OVOL2: variants seen among roughly 807,000 people sequenced by gnomAD.
OVOL2 encodes ovo like zinc finger 2, also known as transcription factor Ovo-like 2.
OVOL2 carries 13 observed loss-of-function variants against 18.1 expected under a neutral mutation model. The ratio of observed to expected loss-of-function variants is 0.72; its 90% CI spans 0.47 to 1.14. The LOEUF (loss-of-function observed/expected upper bound fraction) is 1.14, where lower values mean the gene tolerates loss of function less well. Among genes scored for constraint, OVOL2 ranks in the 50% most tolerant of loss-of-function variants. The probability of loss-of-function intolerance (pLI) is 0.00; values close to 1 mark genes in which losing one functional copy is unlikely to be tolerated. For missense variants in OVOL2, 335 were observed against 383.0 expected (o/e 0.87, Z 1.05); for synonymous variants, 166 against 162.7 (o/e 1.02, Z -0.16).
At chr20:18,029,803 T>G (rs7275118) in intron 3 of OVOL2, among the ~76,000 whole-genome samples, 49,836 of 151,606 alleles carry the variant, frequency 0.33, 8,723 homozygotes, top group South Asian at 0.43. Flanking sequence ...CATGGGGAGA[T>G]CCCTGTCTTT....
At chr20:18,026,815 C>T (rs2122686071) in intron 3 of OVOL2, among the ~76,000 whole-genome samples, 1 of 152,158 alleles carries the variant, frequency 6.6e-6, no homozygotes, top group East Asian at 1.9e-4. Context: ...AGGGCAGAGA[C>T]CTCAGAGCAC....
intron 3 of OVOL2, among the ~76,000 whole-genome samples, chr20:18,025,731 A>G (rs2036507842): frequency 6.6e-6 from 1 of 152,214 alleles, no homozygotes. Context: ...AGCCAGTTAC[A>G]CGGTGGACAA....
intron 2 of OVOL2, among the ~76,000 whole-genome samples, chr20:18,052,612 G>T (rs2036780456): frequency 6.6e-6 from 1 of 152,142 alleles, no homozygotes; most frequent in Admixed American, 6.5e-5. Context: ...ATGGGGGTAT[G>T]GGGACTACTC....
At chr20:18,054,807 G>GAAAAGAAAAA (rs2036804349) in intron 2 of OVOL2, among the ~76,000 whole-genome samples, 1 of 143,632 alleles carries the variant, frequency 7.0e-6, no homozygotes, top group Admixed American at 6.8e-5. Flanking sequence ...GAAAAGAAAA[G>GAAAAGAAAAA]AAACTAATTC....
At chr20:18,031,912 G>A (rs1394431684) in intron 3 of OVOL2, among the ~76,000 whole-genome samples, 1 of 152,164 alleles carries the variant, frequency 6.6e-6, no homozygotes, top group Non-Finnish European at 1.5e-5. Flanking sequence ...CTACACTTTG[G>A]AACTTTCTAG....
chr20:18,045,442 C>G (rs962873603), intron 2 of OVOL2, among the ~76,000 whole-genome samples: 3 of 152,138 alleles, frequency 2.0e-5, no homozygotes, highest in Admixed American at 2.0e-4. Context: ...TTGACAAATT[C>G]CTATTTTTAA....
At chr20:18,052,233 T>C (rs898210605) in intron 2 of OVOL2, among the ~76,000 whole-genome samples, 22 of 152,100 alleles carry the variant, frequency 1.4e-4, no homozygotes, top group African/African-American at 4.8e-4. Context: ...AACAATTAAC[T>C]TGATGGAGGG....
intron 2 of OVOL2, among the ~76,000 whole-genome samples, chr20:18,051,206 T>C (rs1294022487): frequency 6.6e-6 from 1 of 151,952 alleles, no homozygotes; most frequent in African/African-American, 2.4e-5. Context: ...TGAGGCCCTG[T>C]CTCAAAAGGA....
intron 2 of OVOL2, among the ~76,000 whole-genome samples, chr20:18,045,696 C>A (rs993458351): frequency 3.9e-5 from 6 of 152,104 alleles, no homozygotes; most frequent in Admixed American, 2.6e-4. Flanking sequence ...CCAGACTGAT[C>A]TTCAACTCTT....
rs190548586 is a variant in OVOL2 at position 18,042,365 on chromosome 20, G to A, written c.322-642C>T. Among the ~76,000 whole-genome samples the A allele has an allele frequency of 5.0e-4, 76 of 152,324 alleles. 1 individual carries two copies. In the East Asian group the frequency reaches 0.011, roughly 22 times the overall value. ...TTGTTGAAATGTGATCCCCAGTGTT[G>A]GAGGTGGGGCCTCGTGGGAGGTTAC... On this transcript the variant is annotated intron_variant, in intron 2 of 3. Coordinates refer to ENST00000278780, the MANE Select transcript of OVOL2 (RefSeq NM_021220.4).
intron 2 of OVOL2, among the ~76,000 whole-genome samples, chr20:18,046,627 A>G (rs1438157689): frequency 6.6e-6 from 1 of 152,174 alleles, no homozygotes; most frequent in Non-Finnish European, 1.5e-5. Flanking sequence ...TTCTCTCCAG[A>G]CGCCAGACCT....
chr20:18,048,633 G>GC (rs1193626097), intron 2 of OVOL2, among the ~76,000 whole-genome samples: 3 of 152,168 alleles, frequency 2.0e-5, no homozygotes, highest in Non-Finnish European at 4.4e-5. Flanking sequence ...GGCTGAGGTG[G>GC]GGGGCGGCGG....
intron 3 of OVOL2, among the ~76,000 whole-genome samples, chr20:18,026,154 G>A (rs1443563826): frequency 1.3e-5 from 2 of 152,172 alleles, no homozygotes; most frequent in Admixed American, 6.5e-5. Flanking sequence ...AAGCATTGCC[G>A]CTCCTACCTC....
At chr20:18,027,884 T>G (rs1003612605) in intron 3 of OVOL2, among the ~76,000 whole-genome samples, 1 of 152,110 alleles carries the variant, frequency 6.6e-6, no homozygotes, top group South Asian at 2.1e-4. Context: ...CGTGAGCCAC[T>G]GCGCCCGGCT....
At chr20:18,052,799 AC>A (rs2036782212) in intron 2 of OVOL2, among the ~76,000 whole-genome samples, 1 of 152,242 alleles carries the variant, frequency 6.6e-6, no homozygotes, top group South Asian at 2.1e-4. Context: ...CCATACTTGG[AC>A]CTGGGTCCTA....
At chr20:18,026,683 G>A (rs961760635) in intron 3 of OVOL2, among the ~76,000 whole-genome samples, 3 of 152,030 alleles carry the variant, frequency 2.0e-5, no homozygotes, top group Non-Finnish European at 2.9e-5. Flanking sequence ...GCCGGGCCCA[G>A]GAATCTATTT....
intron 2 of OVOL2, among the ~76,000 whole-genome samples, chr20:18,048,688 CAG>C (rs1471060862): frequency 6.6e-6 from 1 of 152,134 alleles, no homozygotes; most frequent in Non-Finnish European, 1.5e-5. Flanking sequence ...GCCCGAGTGA[CAG>C]AGAGAGACCC....
chr20:18,026,989 A>G (rs775283199), intron 3 of OVOL2, among the ~76,000 whole-genome samples: 2 of 152,168 alleles, frequency 1.3e-5, no homozygotes, highest in Non-Finnish European at 2.9e-5. Context: ...GAAACTCCCC[A>G]TTGGGTACTA....
chr20:18,034,213 C>A (rs541595666), intron 3 of OVOL2, among the ~76,000 whole-genome samples: 1 of 152,294 alleles, frequency 6.6e-6, no homozygotes, highest in African/African-American at 2.4e-5. Context: ...CAGCACTGGG[C>A]AAGTGACCTT....
Sources: allele counts gnomAD v4.1 joint callset (sites outside exome capture counted in the v4.1 genomes callset), GRCh38; gene constraint gnomAD v4.1.1; transcripts MANE v1.5; gene names NCBI Gene and HGNC (gene_info 2026-07-23, HGNC 2026-07-21).